Variants in FTO observed in about 807,000 individuals in gnomAD.
FTO encodes the protein alpha-ketoglutarate-dependent dioxygenase FTO.
A neutral mutation model predicts 63.9 loss-of-function variants in FTO; 47 were observed. The ratio of observed to expected loss-of-function variants is 0.74; its 90% CI spans 0.58 to 0.94. FTO has a LOEUF of 0.94. Among genes scored for constraint, FTO ranks in the 40% least tolerant of loss-of-function variants. The probability of loss-of-function intolerance (pLI) is 0.00; values close to 1 mark genes in which losing one functional copy is unlikely to be tolerated. For missense variants in FTO, 562 were observed against 618.1 expected (o/e 0.91, Z 0.96); for synonymous variants, 207 against 224.4 (o/e 0.92, Z 0.69).
chr16:53,980,096 A>G (rs1297144903), intron 8 of FTO, among the ~76,000 whole-genome samples: 1 of 152,210 alleles, frequency 6.6e-6, no homozygotes, highest in Non-Finnish European at 1.5e-5. Context: ...AATCAAAATA[A>G]GAAGAAGGTA....
chr16:53,757,228 A>C (rs1204958459), intron 1 of FTO, among the ~76,000 whole-genome samples: 1 of 152,182 alleles, frequency 6.6e-6, no homozygotes, highest in Non-Finnish European at 1.5e-5. Flanking sequence ...TTTTGTGGTG[A>C]GAACACTTAA....
At chr16:53,876,490 TGTAGAGG>T (rs1452141625) in intron 5 of FTO, among the ~76,000 whole-genome samples, 1 of 152,050 alleles carries the variant, frequency 6.6e-6, no homozygotes, top group Non-Finnish European at 1.5e-5. Context: ...ATAAAGAAAG[TGTAGAGG>T]ACCCATGGAA....
intron 8 of FTO, among the ~76,000 whole-genome samples, chr16:54,048,764 A>T (rs2085244588): frequency 1.3e-5 from 2 of 152,348 alleles, no homozygotes; most frequent in South Asian, 4.1e-4. Flanking sequence ...TTCCATGCAC[A>T]TTCAAGCCTC....
Position 54,119,294 on chromosome 16 carries a change from T to C in FTO, c.*7379T>C, listed in dbSNP as rs2086991297. 6.6e-6 allele frequency: 1 copy of C among 152,210 alleles called. No individual in the cohort carries two copies. The highest frequency in any genetic ancestry group is 2.1e-4 in the South Asian group (1 of 4,826). 9.4% of individuals were successfully genotyped at this position (152,210 alleles called of 1,614,324 possible). A position where few individuals can be genotyped will look rare whatever the true frequency, so the allele number is the denominator to read the frequency against. On this transcript the variant is annotated 3_prime_UTR_variant, in exon 9 of 9. Coordinates refer to ENST00000471389, the MANE Select transcript of FTO (RefSeq NM_001080432.3). ...CCTGATTATCCTTTCAAATAGGGAA[T>C]TCGGCTTTCCACGTTGGAACCAGAA...
chr16:54,111,531 G>C (rs1385418848), intron 8 of FTO, among the ~76,000 whole-genome samples: 2 of 152,164 alleles, frequency 1.3e-5, no homozygotes, highest in Non-Finnish European at 2.9e-5. Context: ...AGCCACCTGA[G>C]ATAATACAAA....
intron 8 of FTO, among the ~76,000 whole-genome samples, chr16:53,956,954 C>T (rs890410142): frequency 2.6e-5 from 4 of 152,288 alleles, no homozygotes; most frequent in African/African-American, 7.2e-5. Flanking sequence ...CATGAACCAC[C>T]GCACCTGGTC....
At chr16:54,034,452 T>C (rs757199343) in intron 8 of FTO, among the ~76,000 whole-genome samples, 8 of 152,214 alleles carry the variant, frequency 5.3e-5, no homozygotes, top group Non-Finnish European at 1.2e-4. Context: ...CATGAGTACA[T>C]TGGAATGAGG....
At chr16:53,785,914 G>GA (rs764170371) in intron 1 of FTO, among the ~76,000 whole-genome samples, 1,511 of 102,292 alleles carry the variant, frequency 0.015, 26 homozygotes, top group African/African-American at 0.048. Flanking sequence ...ATCTCAAAAA[G>GA]AAAAAAAAAA....
At chr16:53,844,438 T>C in intron 4 of FTO, 140 bp downstream of exon 4, 1 of 712,736 alleles carries the variant, frequency 1.4e-6, no homozygotes, top group Non-Finnish European at 2.4e-6. Context: ...TAAGAACATG[T>C]AACTAGGTTT....
intron 6 of FTO, among the ~76,000 whole-genome samples, chr16:53,886,469 G>C (rs1334481535): frequency 1.3e-5 from 2 of 152,174 alleles, no homozygotes; most frequent in East Asian, 3.8e-4. Context: ...CTTGAAGTAA[G>C]TATGTTGTTA....
chr16:53,860,917 C>CAT (rs58747384), intron 4 of FTO, among the ~76,000 whole-genome samples: 2 of 148,418 alleles, frequency 1.3e-5, no homozygotes, highest in Admixed American at 6.7e-5. Context: ...CACACACACA[C>CAT]GTTTACTGTG....
chr16:54,075,991 C>T (rs1220075691), intron 8 of FTO, among the ~76,000 whole-genome samples: 1 of 152,150 alleles, frequency 6.6e-6, no homozygotes, highest in African/African-American at 2.4e-5. Context: ...GATTCCCCAT[C>T]TTCCCCTAGC....
intron 1 of FTO, among the ~76,000 whole-genome samples, chr16:53,740,615 C>T (rs1173702250): frequency 6.6e-6 from 1 of 152,142 alleles, no homozygotes; most frequent in Non-Finnish European, 1.5e-5. Context: ...GTAATGCTTC[C>T]TTTCAAATAG....
At chr16:53,835,890 G>GT (rs1458566712) in intron 3 of FTO, among the ~76,000 whole-genome samples, 1 of 109,102 alleles carries the variant, frequency 9.2e-6, no homozygotes, top group Non-Finnish European at 1.8e-5. Context: ...CCTGTCTATT[G>GT]ATTTTTTTTT....
chr16:53,725,105 G>A (rs1023943446), intron 1 of FTO, among the ~76,000 whole-genome samples: 3 of 152,170 alleles, frequency 2.0e-5, no homozygotes, highest in African/African-American at 7.2e-5. Context: ...AGTACTTTGT[G>A]ATGTCTACAG....
intron 7 of FTO, among the ~76,000 whole-genome samples, chr16:53,927,347 T>C (rs1047393316): frequency 2.6e-5 from 4 of 152,150 alleles, no homozygotes; most frequent in Admixed American, 2.0e-4. Flanking sequence ...GCATTGATAG[T>C]AGTGCAGTCA....
chr16:53,884,629 A>G (rs1205176891), intron 6 of FTO, among the ~76,000 whole-genome samples: 1 of 152,204 alleles, frequency 6.6e-6, no homozygotes, highest in African/African-American at 2.4e-5. Flanking sequence ...ACGTTTGCTG[A>G]CCCGTTGGAA....
chr16:53,905,216 T>G (rs961279440), intron 7 of FTO, among the ~76,000 whole-genome samples: 3 of 152,104 alleles, frequency 2.0e-5, no homozygotes, highest in Admixed American at 6.5e-5. Flanking sequence ...TCCATCACCT[T>G]TGAAGTGGTC....
chr16:53,729,231 TAAAA>T (rs2076217167), intron 1 of FTO, among the ~76,000 whole-genome samples: 1 of 151,612 alleles, frequency 6.6e-6, no homozygotes, highest in South Asian at 2.1e-4. Context: ...CTTGCCATCT[TAAAA>T]AATGTAAAAT....
Sources: allele counts gnomAD v4.1 joint callset (sites outside exome capture counted in the v4.1 genomes callset), GRCh38; gene constraint gnomAD v4.1.1; transcripts MANE v1.5; gene names NCBI Gene and HGNC (gene_info 2026-07-23, HGNC 2026-07-21).